The following HSD11B1 variants were observed in gnomAD, a reference collection of about 807,000 sequenced individuals.
The protein encoded by HSD11B1 is 11-beta-hydroxysteroid dehydrogenase 1.
HSD11B1 carries 15 observed loss-of-function variants against 22.1 expected under a neutral mutation model. The ratio of observed to expected loss-of-function variants is 0.68; its 90% CI spans 0.45 to 1.04. The LOEUF is 1.04. Ranked by LOEUF, HSD11B1 falls within the 50% of genes least tolerant of loss-of-function variation. The pLI, the probability that HSD11B1 is intolerant of heterozygous loss-of-function variation, is 0.00. For synonymous variants in HSD11B1, 122 were observed against 125.2 expected (o/e 0.97, Z 0.17); for missense variants, 281 against 357.6 (o/e 0.79, Z 1.73).
At position 209,707,025 on chromosome 1, in the gene HSD11B1, A is replaced by G; in HGVS notation, c.414A>G (p.Lys138=). The change falls in exon 4 of 6, where the codon AAA becomes AAG. Residue 138 remains lysine, a synonymous_variant. Coordinates refer to ENST00000367027, the MANE Select transcript of HSD11B1 (RefSeq NM_005525.4). ...ATGATGATATTCACCATGTGCGCAA[A>G]AGCATGGAAGTCAACTTCCTCAGTT... ...LFHDDIHHVR[K]SMEVNFLSYV... 6.2e-7 allele frequency: 1 copy of G among 1,613,982 alleles called. No homozygotes were observed. The highest frequency in any genetic ancestry group is 8.5e-7 in the Non-Finnish European group (1 of 1,179,884).
At chr1:209,718,039 G>T (rs935752384) in intron 4 of HSD11B1, among the ~76,000 whole-genome samples, 4 of 152,086 alleles carry the variant, frequency 2.6e-5, no homozygotes, top group African/African-American at 9.7e-5. Context: ...GAACTAAAAA[G>T]GTTTATCTCA....
At position 209,734,550 on chromosome 1, in the gene HSD11B1, G is replaced by A; in HGVS notation, c.*29G>A. 1.3e-6 allele frequency: 2 copies of A among 1,518,562 alleles called. No homozygotes were observed. The highest frequency in any genetic ancestry group is 4.5e-5 in the East Asian group (2 of 44,446). 94.1% of individuals were successfully genotyped at this position (1,518,562 alleles called of 1,614,324 possible). ...CTCCCTGAGGGCTGGGCATGCTGAG[G>A]GATTTTGGGACTGTTCTGTCTCATG... is the stretch of plus-strand genomic sequence containing the variant. On this transcript the variant is annotated 3_prime_UTR_variant, in exon 6 of 6. Transcript: ENST00000367027.
At chr1:209,720,095 A>T (rs1384503650) in intron 4 of HSD11B1, among the ~76,000 whole-genome samples, 1 of 152,184 alleles carries the variant, frequency 6.6e-6, no homozygotes, top group African/African-American at 2.4e-5. Flanking sequence ...CTTAAAGTAT[A>T]ATTTAAAAAA....
At chr1:209,703,765 T>G (rs1320794112), upstream of HSD11B1, among the ~76,000 whole-genome samples, 3 of 152,194 alleles carry the variant, frequency 2.0e-5, no homozygotes, top group Non-Finnish European at 4.4e-5. Context: ...ACATTTAAAT[T>G]TTTTCCCCGC....
intron 4 of HSD11B1, among the ~76,000 whole-genome samples, chr1:209,717,871 CAA>C (rs1015577238): frequency 2.0e-4 from 8 of 39,628 alleles, no homozygotes; most frequent in Non-Finnish European, 2.4e-4. Flanking sequence ...GACTCCATCT[CAA>C]AAAAAAAAAA....
chr1:209,689,384 T>A (rs1216405554), intron 1 of HSD11B1, among the ~76,000 whole-genome samples: 1 of 152,044 alleles, frequency 6.6e-6, no homozygotes, highest in Non-Finnish European at 1.5e-5. Context: ...TACAGTGAAG[T>A]CCAAAAATTG....
rs370420350 is a variant in HSD11B1, at chr1:209,707,150, G to A, written c.517+22G>A. 1.5e-5 allele frequency: 24 copies of A among 1,584,628 alleles called. No individual in the cohort carries two copies. The East Asian group carries it at 4.5e-4, about 30-fold the overall frequency. On this transcript the variant is annotated intron_variant, in intron 4 of 5. Transcript: ENST00000367027. ...GCTGGTAAGTGGGACAGGGACATAT[G>A]TGGAAGGTAGAAGAAAAAAAAAAAT...
In HSD11B1 at chr1:209,711,589, G is replaced by C. The variant is rs148355307; in HGVS notation, c.517+4461G>C. On this transcript the variant is annotated intron_variant, in intron 4 of 5. Coordinates refer to ENST00000367027, the MANE Select transcript of HSD11B1 (RefSeq NM_005525.4). ...GCTGCACAGGGTTGAGCTGTGTGTT[G>C]GGGGGATGGGTAGAAGTACGCAGAG... Among the ~76,000 whole-genome samples the C allele has an allele frequency of 7.4e-3, 1,128 of 152,182 alleles. 8 individuals carry two copies. Among genetic ancestry groups the C allele is most frequent in the African/African-American group, 0.025 (1,046 of 41,508 alleles).
chr1:209,703,530 T>C (rs36212447), upstream of HSD11B1, among the ~76,000 whole-genome samples: 651 of 152,322 alleles, frequency 4.3e-3, 1 homozygote, highest in Admixed American at 7.3e-3. Flanking sequence ...CAAATCTCCA[T>C]TGTTTTCTAC....
intron 1 of HSD11B1, among the ~76,000 whole-genome samples, chr1:209,695,211 G>A (rs1182075945): frequency 6.6e-6 from 1 of 152,190 alleles, no homozygotes; most frequent in African/African-American, 2.4e-5. Flanking sequence ...GCAGAACTAT[G>A]AGTCAATTAA....
chr1:209,697,884 CTTTTT>C lies in HSD11B1; in HGVS notation c.-48-6985_-48-6981del, dbSNP rs988076432. Among the ~76,000 whole-genome samples the C allele has an allele frequency of 8.9e-3, 370 of 41,556 alleles. 2 individuals carry two copies. The highest frequency in any genetic ancestry group is 0.028 in the African/African-American group (347 of 12,514). 27.3% of individuals were successfully genotyped at this position (41,556 alleles called of 152,430 possible). A position where few individuals can be genotyped will look rare whatever the true frequency, so the allele number is the denominator to read the frequency against. ...GAATGATTAATGGTTTTGTTTTTTC[CTTTTT>C]TTTTTTTTTTTTTTTTTTTTTTTTT... On this transcript the variant is annotated intron_variant, in intron 1 of 6. Coordinates refer to the HSD11B1 transcript ENST00000261465.
At chr1:209,717,277 ATATAAATGGTTAACAAG>A (rs1359661815) in intron 4 of HSD11B1, among the ~76,000 whole-genome samples, 1 of 152,224 alleles carries the variant, frequency 6.6e-6, no homozygotes, top group Non-Finnish European at 1.5e-5. Flanking sequence ...GACATAGAAC[ATATAAATGGTTAACAAG>A]TATATGAAAA....
At chr1:209,686,908 T>G (rs1054107230) in intron 1 of HSD11B1, among the ~76,000 whole-genome samples, 1 of 152,240 alleles carries the variant, frequency 6.6e-6, no homozygotes. Context: ...TATTCATCTA[T>G]CCTTTAATCC....
At chr1:209,726,429 G>T (rs146425078) in intron 4 of HSD11B1, among the ~76,000 whole-genome samples, 1 of 151,510 alleles carries the variant, frequency 6.6e-6, no homozygotes, top group South Asian at 2.1e-4. Context: ...ATAGTAAGAC[G>T]TTGTCTCTAC....
At chr1:209,698,840 G>T (rs542011084) in intron 1 of HSD11B1, among the ~76,000 whole-genome samples, 158 of 152,262 alleles carry the variant, frequency 1.0e-3, no homozygotes, top group African/African-American at 3.7e-3. Flanking sequence ...CCTCGTGAGG[G>T]TCTCTTCTTT....
intron 4 of HSD11B1, among the ~76,000 whole-genome samples, chr1:209,717,871 CAAAA>C (rs1015577238): frequency 7.6e-5 from 3 of 39,626 alleles, no homozygotes; most frequent in South Asian, 9.2e-4. Context: ...GACTCCATCT[CAAAA>C]AAAAAAAAAA....
upstream of HSD11B1, among the ~76,000 whole-genome samples, chr1:209,701,048 C>T (rs965354095): frequency 3.3e-5 from 5 of 152,228 alleles, no homozygotes; most frequent in Non-Finnish European, 7.3e-5. Flanking sequence ...CTGTCTTCTT[C>T]TGAGCCCTCC....
At position 209,732,345 on chromosome 1, in the gene HSD11B1, G is replaced by GGA; in HGVS notation, c.518-90_518-89dup. 3.6e-6 allele frequency: 5 copies of GGA among 1,371,496 alleles called. No individual in the cohort carries two copies. The South Asian group carries it at 5.8e-5, about 16-fold the overall frequency. 85.0% of individuals were successfully genotyped at this position (1,371,496 alleles called of 1,614,324 possible). On this transcript the variant is annotated intron_variant, in intron 4 of 5. Coordinates refer to ENST00000367027, the MANE Select transcript of HSD11B1 (RefSeq NM_005525.4). ...GAAACTAAGACTCAAAGGGGTAAAA[G>GGA]GACACCATAGGAGTTACAAAGCCTA...
intron 4 of HSD11B1, among the ~76,000 whole-genome samples, chr1:209,718,660 A>T (rs1021999847): frequency 1.3e-5 from 2 of 152,188 alleles, no homozygotes; most frequent in Non-Finnish European, 2.9e-5. Flanking sequence ...TATGAAAAAC[A>T]GTATGGCAGT....
Sources: allele counts gnomAD v4.1 joint callset (sites outside exome capture counted in the v4.1 genomes callset), GRCh38; gene constraint gnomAD v4.1.1; transcripts MANE v1.5; gene names NCBI Gene and HGNC (gene_info 2026-07-23, HGNC 2026-07-21).